The following SLC13A4 variants were observed in gnomAD, a reference collection of about 807,000 sequenced individuals.
SLC13A4 encodes the protein solute carrier family 13 member 4.
A neutral mutation model predicts 72.7 loss-of-function variants in SLC13A4; 28 were observed. The ratio of observed to expected loss-of-function variants is 0.39; its 90% CI spans 0.29 to 0.53. The LOEUF (loss-of-function observed/expected upper bound fraction) is 0.53, where lower values mean the gene tolerates loss of function less well. SLC13A4 is among the 20% of genes least tolerant of loss of function. The probability of loss-of-function intolerance (pLI) is 0.78; values close to 1 mark genes in which losing one functional copy is unlikely to be tolerated. For missense variants in SLC13A4, 653 were observed against 788.0 expected (o/e 0.83, Z 2.05); for synonymous variants, 312 against 325.5 (o/e 0.96, Z 0.45).
intron 2 of SLC13A4, among the ~76,000 whole-genome samples, chr7:135,709,710 A>G (rs537212507): frequency 6.6e-6 from 1 of 152,256 alleles, no homozygotes; most frequent in East Asian, 1.9e-4. Context: ...CTCTCTTTCC[A>G]TCTCTGCCTG....
At chr7:135,702,104 C>T (rs1584727691) in intron 6 of SLC13A4, 1 of 177,006 alleles carries the variant, frequency 5.6e-6, no homozygotes, top group Non-Finnish European at 1.2e-5. Flanking sequence ...AGCAAGTCCA[C>T]AGTTTTTTGT....
At chr7:135,718,098 C>T (rs933303721) in intron 2 of SLC13A4, among the ~76,000 whole-genome samples, 5 of 151,634 alleles carry the variant, frequency 3.3e-5, no homozygotes, top group African/African-American at 7.3e-5. Flanking sequence ...CGCGCGCGCG[C>T]GCACGCGTGC....
At chr7:135,682,614 A>G (rs1010835771) in intron 15 of SLC13A4, among the ~76,000 whole-genome samples, 5 of 152,180 alleles carry the variant, frequency 3.3e-5, no homozygotes, top group African/African-American at 1.2e-4. Context: ...CCCACAGGTG[A>G]GAGGGCAGGT....
chr7:135,723,043 C>T (rs1024449457), intron 1 of SLC13A4, among the ~76,000 whole-genome samples: 1 of 152,144 alleles, frequency 6.6e-6, no homozygotes, highest in Non-Finnish European at 1.5e-5. Flanking sequence ...CACTAAATGC[C>T]GGTAGCACTT....
chr7:135,707,574 A>G (rs3112353), intron 3 of SLC13A4: 93,514 of 152,128 alleles, frequency 0.61, 28,981 homozygotes, highest in East Asian at 0.88. Context: ...TCCAAATGGA[A>G]CATTGCTGAA....
intron 3 of SLC13A4, chr7:135,707,319 G>A (rs1796186767): frequency 6.6e-6 from 1 of 152,194 alleles, no homozygotes; most frequent in African/African-American, 2.4e-5. Flanking sequence ...TTATTACTGA[G>A]TTAGGGGGTG....
intron 15 of SLC13A4, 64 bp from the exon 16 acceptor site, chr7:135,681,764 C>T (rs552469983): frequency 4.5e-6 from 7 of 1,571,992 alleles, no homozygotes; most frequent in African/African-American, 4.0e-5. Flanking sequence ...TCCCCAAGTC[C>T]CCCTTCTGTT....
At chr7:135,686,675 C>A (rs1026051288) in intron 13 of SLC13A4, among the ~76,000 whole-genome samples, 7 of 152,186 alleles carry the variant, frequency 4.6e-5, no homozygotes, top group Admixed American at 2.6e-4. Context: ...CCTGGCCTGC[C>A]AGTGCTTTTT....
rs145031383 is a variant in SLC13A4, at chr7:135,719,780, CAT to C, written c.228+1613_228+1614del. ...CTGAGGCTATGGCTACTCAATGCCACATGTGTGTGTGTGTGTGTGTGTATGTG... is the reference window on the plus strand; with the variant it reads ...CTGAGGCTATGGCTACTCAATGCCACGTGTGTGTGTGTGTGTGTGTATGTG... On this transcript the variant is annotated intron_variant, in intron 2 of 15. Transcript: ENST00000682651. Among the ~76,000 whole-genome samples, 516 of 138,628 alleles carry C rather than the reference CAT, an allele frequency of 3.7e-3. 3 individuals are homozygous for C. The highest frequency in any genetic ancestry group is 5.7e-3 in the Non-Finnish European group (364 of 63,722). The allele number at this position is 138,628 out of a possible 152,430, so 90.9% of individuals were successfully genotyped here.
chr7:135,714,711 A>G (rs1360947040), intron 2 of SLC13A4, among the ~76,000 whole-genome samples: 2 of 152,230 alleles, frequency 1.3e-5, no homozygotes, highest in African/African-American at 4.8e-5. Context: ...GCTTACTCAA[A>G]CAGAGAAAGT....
chr7:135,693,272 A>G (rs1795831682), intron 10 of SLC13A4: 1 of 152,218 alleles, frequency 6.6e-6, no homozygotes, highest in South Asian at 2.1e-4. Context: ...AGATGCATCC[A>G]TTGATAATCC....
intron 14 of SLC13A4, among the ~76,000 whole-genome samples, chr7:135,684,552 A>G (rs1795578543): frequency 6.6e-6 from 1 of 151,722 alleles, no homozygotes; most frequent in Non-Finnish European, 1.5e-5. Context: ...TTTATTCTTT[A>G]GCTGAGACTT....
chr7:135,693,110 A>AAG lies in SLC13A4; in HGVS notation c.1122-687_1122-686insCT, dbSNP rs1378262028. The AAG allele has an allele frequency of 2.0e-5, 3 of 151,594 alleles. No homozygotes were observed. The East Asian group carries it at 5.8e-4, about 29-fold the overall frequency. The allele number at this position is 151,594 out of a possible 1,614,324, so 9.4% of individuals were successfully genotyped here. ...GGTGAGACTCCATCCCAAAAAAAAA[A>AAG]AAAAAAAAAAAAAAATAGTTGGTCA... On this transcript the variant is annotated intron_variant, in intron 10 of 15. Coordinates refer to ENST00000682651, the MANE Select transcript of SLC13A4 (RefSeq NM_001318192.2).
At chr7:135,698,323 G>A (rs1324058632) in intron 8 of SLC13A4, among the ~76,000 whole-genome samples, 7 of 129,456 alleles carry the variant, frequency 5.4e-5, no homozygotes, top group Admixed American at 1.8e-4. Context: ...GTGAGCCACC[G>A]TGCTGGGACT....
Position 135,723,188 on chromosome 7 carries a change from G to A in SLC13A4, c.100-1665C>T, listed in dbSNP as rs564765556. ...GTTGCTCTTGGACTCCATTCTATCC[G>A]CTTGACACCATGGAAACATCCATCT... On this transcript the variant is annotated intron_variant, in intron 1 of 15. Coordinates refer to ENST00000682651, the MANE Select transcript of SLC13A4 (RefSeq NM_001318192.2). 7.5e-4 allele frequency among the ~76,000 whole-genome samples: 114 copies of A among 152,142 alleles called. 2 individuals carry two copies. The highest frequency in any genetic ancestry group is 6.8e-3 in the Middle Eastern group (2 of 294).
At chr7:135,717,145 T>G (rs1002054041) in intron 2 of SLC13A4, among the ~76,000 whole-genome samples, 8 of 152,206 alleles carry the variant, frequency 5.3e-5, no homozygotes, top group South Asian at 2.1e-4. Flanking sequence ...AATCTCACCC[T>G]AATCTGATGC....
chr7:135,724,980 A>G (rs908032289), intron 1 of SLC13A4, among the ~76,000 whole-genome samples: 3 of 152,192 alleles, frequency 2.0e-5, no homozygotes, highest in African/African-American at 7.2e-5. Flanking sequence ...GCTGAACTGC[A>G]CTGGACTTCT....
At chr7:135,714,613 C>G (rs149362693) in intron 2 of SLC13A4, among the ~76,000 whole-genome samples, 3 of 152,200 alleles carry the variant, frequency 2.0e-5, no homozygotes, top group Non-Finnish European at 4.4e-5. Context: ...CACATGCCCA[C>G]GGGCCCGCAT....
At chr7:135,722,769 T>C (rs1176043085) in intron 1 of SLC13A4, among the ~76,000 whole-genome samples, 1 of 152,158 alleles carries the variant, frequency 6.6e-6, no homozygotes, top group Admixed American at 6.5e-5. Flanking sequence ...GGTCCTACCA[T>C]GTTTTGCATC....
Sources: gnomAD v4.1 joint callset for allele counts (sites outside exome capture counted in the v4.1 genomes callset) on GRCh38, gnomAD v4.1.1 for gene constraint, MANE v1.5 for transcripts, NCBI Gene and HGNC (gene_info 2026-07-23, HGNC 2026-07-21) for gene names.